The following QSOX1 variants were observed in gnomAD, a reference collection of about 807,000 sequenced individuals.
QSOX1 encodes the protein sulfhydryl oxidase 1.
QSOX1 carries 40 observed loss-of-function variants against 76.1 expected under a neutral mutation model. The observed-to-expected ratio is 0.53, with a 90% CI of 0.41 to 0.68. The LOEUF (loss-of-function observed/expected upper bound fraction) is 0.68, where lower values mean the gene tolerates loss of function less well. Among genes scored for constraint, QSOX1 ranks in the 30% least tolerant of loss-of-function variants. The pLI, the probability that QSOX1 is intolerant of heterozygous loss-of-function variation, is 0.00. For synonymous variants in QSOX1, 392 were observed against 413.1 expected (o/e 0.95, Z 0.62); for missense variants, 931 against 974.3 (o/e 0.96, Z 0.59).
chr1:180,183,472 C>G (rs528942311), intron 6 of QSOX1, among the ~76,000 whole-genome samples: 18 of 152,306 alleles, frequency 1.2e-4, no homozygotes, highest in African/African-American at 4.3e-4. Flanking sequence ...CCCTGGACTT[C>G]TTAGGGGGTA....
intron 1 of QSOX1, among the ~76,000 whole-genome samples, chr1:180,161,915 G>A (rs555563383): frequency 1.3e-5 from 2 of 152,208 alleles, no homozygotes; most frequent in South Asian, 2.1e-4. Context: ...TATCAGAGAC[G>A]TTTCCGTGGA....
At chr1:180,184,482 C>T (rs1005208751) in intron 7 of QSOX1, among the ~76,000 whole-genome samples, 4 of 98,630 alleles carry the variant, frequency 4.1e-5, no homozygotes, top group Middle Eastern at 4.5e-3. Context: ...GCATTCTCTG[C>T]TTGTGCAGAC....
intron 8 of QSOX1, 25 bp downstream of exon 8, chr1:180,186,207 G>A: frequency 6.2e-7 from 1 of 1,601,324 alleles, no homozygotes; most frequent in South Asian, 1.1e-5. Context: ...GGCTTCCCTT[G>A]TCTGTGCAAT....
chr1:180,166,439 C>G (rs777327659), intron 1 of QSOX1, 52 bp from the exon 2 acceptor site: 19 of 1,429,970 alleles, frequency 1.3e-5, no homozygotes, highest in Non-Finnish European at 1.7e-5. Context: ...GATGGGCGGG[C>G]AGAGGGGGTA....
rs1553276278 is a variant in QSOX1 at position 180,202,691 on chromosome 1, A to AAAGG, written c.*5654_*5655insAAGG. The stretch of plus-strand genomic sequence containing the variant: ...AAGCTAATGCAAAAAAAAAAAAAAA[A>AAAGG]GGGGAAATATAATTGAATACTTCAC... On this transcript the variant is annotated 3_prime_UTR_variant, in exon 12 of 12. Coordinates refer to ENST00000367602, the MANE Select transcript of QSOX1 (RefSeq NM_002826.5). 6.7e-6 allele frequency: 1 copy of AAAGG among 148,302 alleles called. No homozygotes were observed. The highest frequency in any genetic ancestry group is 1.5e-5 in the Non-Finnish European group (1 of 66,768). 9.2% of individuals were successfully genotyped at this position (148,302 alleles called of 1,614,324 possible).
intron 1 of QSOX1, among the ~76,000 whole-genome samples, chr1:180,164,886 T>G (rs1662577443): frequency 6.6e-6 from 1 of 152,010 alleles, no homozygotes; most frequent in Non-Finnish European, 1.5e-5. Context: ...TCAGGGAGCT[T>G]TTACTCATGA....
intron 6 of QSOX1, among the ~76,000 whole-genome samples, chr1:180,182,795 C>T (rs1663073386): frequency 6.6e-6 from 1 of 152,258 alleles, no homozygotes; most frequent in Admixed American, 6.5e-5. Context: ...CTGCCAGGCT[C>T]CTGCTGCTGA....
At chr1:180,182,448 C>A in intron 6 of QSOX1, 129 bp downstream of exon 6, 1 of 1,269,340 alleles carries the variant, frequency 7.9e-7, no homozygotes, top group Non-Finnish European at 1.1e-6. Flanking sequence ...TCAGGAGAAG[C>A]TGCAGTCTGC....
chr1:180,181,987 C>A (rs1408745884), intron 5 of QSOX1, among the ~76,000 whole-genome samples, 187 bp from the exon 6 acceptor site: 3 of 152,234 alleles, frequency 2.0e-5, no homozygotes. Context: ...GCACTTGCTA[C>A]CTACTGGTTA....
At chr1:180,185,987 G>A in intron 7 of QSOX1, 66 bp from the exon 8 acceptor site, 1 of 1,567,094 alleles carries the variant, frequency 6.4e-7, no homozygotes. Flanking sequence ...AGCCCTGGAT[G>A]CTCCTTGCAG....
rs1662834845 is a variant in QSOX1 at position 180,174,532 on chromosome 1, T to C, written c.367-789T>C. ...AGAGACAGCAGCCTGTAAGCCCCTT[T>C]TCCCAAGTAAGGAGCAAGGGCACAT... On this transcript the variant is annotated intron_variant, in intron 2 of 11. Transcript: ENST00000367602. Among the ~76,000 whole-genome samples the C allele has an allele frequency of 2.0e-5, 3 of 152,186 alleles. No homozygotes were observed. In the South Asian group the frequency reaches 6.2e-4, roughly 31 times the overall value.
intron 7 of QSOX1, among the ~76,000 whole-genome samples, chr1:180,184,976 C>T (rs1244331167): frequency 2.0e-5 from 3 of 152,170 alleles, no homozygotes; most frequent in Non-Finnish European, 2.9e-5. Flanking sequence ...AAACCATTGA[C>T]GTTCTTGTAA....
intron 7 of QSOX1, among the ~76,000 whole-genome samples, chr1:180,185,563 C>T (rs1372791404): frequency 6.6e-6 from 1 of 152,258 alleles, no homozygotes; most frequent in Non-Finnish European, 1.5e-5. Context: ...CTCCTGCCCC[C>T]AGTCGCCATT....
At chr1:180,192,862 G>A (rs1407966035) in intron 10 of QSOX1, among the ~76,000 whole-genome samples, 2 of 152,138 alleles carry the variant, frequency 1.3e-5, no homozygotes, top group East Asian at 3.9e-4. Flanking sequence ...AGGTAGAGAA[G>A]AGTGCTGAGG....
intron 1 of QSOX1, among the ~76,000 whole-genome samples, chr1:180,166,219 C>G (rs1160942053): frequency 6.6e-6 from 1 of 152,166 alleles, no homozygotes; most frequent in African/African-American, 2.4e-5. Flanking sequence ...TCCCTGGCCC[C>G]GATTAGTAAT....
intron 1 of QSOX1, among the ~76,000 whole-genome samples, chr1:180,162,883 A>G (rs181877634): frequency 1.4e-4 from 22 of 152,372 alleles, no homozygotes; most frequent in Admixed American, 1.1e-3. Flanking sequence ...TTGTTGCAGA[A>G]AAAACAGCTC....
chr1:180,166,271 A>C (rs149426658), intron 1 of QSOX1, among the ~76,000 whole-genome samples: 237 of 152,304 alleles, frequency 1.6e-3, no homozygotes, highest in Middle Eastern at 0.014. Context: ...ACTTATGCTA[A>C]TCATCCAAAA....
chr1:180,188,717 T>C (rs937304443), intron 8 of QSOX1, among the ~76,000 whole-genome samples: 1 of 152,232 alleles, frequency 6.6e-6, no homozygotes, highest in Non-Finnish European at 1.5e-5. Context: ...CCAGTATCCT[T>C]CTCCTCTCAA....
chr1:180,166,660 A>T, intron 2 of QSOX1, 69 bp downstream of exon 2: 1 of 1,452,208 alleles, frequency 6.9e-7, no homozygotes, highest in East Asian at 2.3e-5. Flanking sequence ...GAAAGGGACC[A>T]TGTGGGATGT....
Sources: gnomAD v4.1 joint callset for allele counts (sites outside exome capture counted in the v4.1 genomes callset) on GRCh38, gnomAD v4.1.1 for gene constraint, MANE v1.5 for transcripts, NCBI Gene and HGNC (gene_info 2026-07-23, HGNC 2026-07-21) for gene names.